Variants in PDZD7 observed in about 807,000 individuals in gnomAD.
The protein encoded by PDZD7 is PDZ domain-containing protein 7.
Under a neutral mutation model 84.7 loss-of-function variants are expected in PDZD7, and 72 were observed. The observed-to-expected ratio is 0.85, with a 90% confidence interval of 0.70 to 1.03. PDZD7 has a LOEUF of 1.03. PDZD7 is among the 50% of genes least tolerant of loss of function. The pLI is 0.00. For missense variants in PDZD7, 1,490 were observed against 1,412.9 expected (o/e 1.05, Z -0.87); for synonymous variants, 594 against 580.7 (o/e 1.02, Z -0.33).
At position 101,009,352 on chromosome 10, in the gene PDZD7, T is replaced by C; in HGVS notation, c.2618-2A>G. The C allele has an allele frequency of 1.3e-6, 2 of 1,534,908 alleles. No homozygotes were observed. The highest frequency in any genetic ancestry group is 1.7e-6 in the Non-Finnish European group (2 of 1,145,840). On this transcript the variant is annotated splice_acceptor_variant, in intron 15 of 16. Transcript: ENST00000619208. LOFTEE classifies it high-confidence loss of function. ...CAATGCCCCCAGAAATGCTGATACC[T>C]AGTGACAGGGAGAAACACCGTGTGA...
At chr10:101,027,950 C>T (rs72838696) in intron 2 of PDZD7, among the ~76,000 whole-genome samples, 2,893 of 152,264 alleles carry the variant, frequency 0.019, 48 homozygotes, top group Non-Finnish European at 0.03. Context: ...TGCATTTTCT[C>T]TGGGACCAGT....
chr10:101,023,389 G>A (rs1483810381), intron 4 of PDZD7, 47 bp downstream of exon 4: 68 of 1,611,718 alleles, frequency 4.2e-5, no homozygotes, highest in Non-Finnish European at 5.2e-5. Context: ...TAGGGTTGGG[G>A]TGGGCTGGGG....
chr10:101,010,919 C>G (rs1564627778), intron 14 of PDZD7, 36 bp from the exon 15 acceptor site: 4 of 1,533,186 alleles, frequency 2.6e-6, no homozygotes, highest in Non-Finnish European at 2.6e-6. Context: ...GCCCACTCCT[C>G]CCCTCTCCAG....
In PDZD7 at chr10:101,018,256, A is replaced by G. The variant is rs1852823440; in HGVS notation, c.1365T>C (p.Pro455=). 6.2e-7 allele frequency: 1 copy of G among 1,613,960 alleles called. No homozygotes were observed. Among genetic ancestry groups the G allele is most frequent in the Non-Finnish European group, 8.5e-7 (1 of 1,180,008 alleles). Residue 455 remains proline, a synonymous_variant, in exon 9 of 17, where the codon CCT becomes CCC. Transcript: ENST00000619208. ...QQRKKEKSGS[P]GEKGALQRSK... is the part of the protein sequence containing the mutation. Reference sequence around the variant, plus strand: ...AGCGCTGCAGGGCACCCTTCTCCCCAGGGGACCCCGACTTCTCCTTCTTCC... The same window carrying G: ...AGCGCTGCAGGGCACCCTTCTCCCCGGGGGACCCCGACTTCTCCTTCTTCC...
rs1275190757 is a variant in PDZD7, at chr10:101,007,933, G to A, written c.*534C>T. The A allele has an allele frequency of 7.8e-6, 1 of 128,122 alleles. No homozygotes were observed. The highest frequency in any genetic ancestry group is 2.3e-4 in the East Asian group (1 of 4,392). The allele number at this position is 128,122 out of a possible 1,614,324, so 7.9% of individuals were successfully genotyped here. On this transcript the variant is annotated 3_prime_UTR_variant, in exon 17 of 17. Coordinates refer to ENST00000619208, the MANE Select transcript of PDZD7 (RefSeq NM_001195263.2). Reference sequence around the variant, plus strand: ...CCTCCCCCTCATAGAGCTCTCTTGGGGAGAAAAGGTGATGGAGGAAGGACA... The same window carrying A: ...CCTCCCCCTCATAGAGCTCTCTTGGAGAGAAAAGGTGATGGAGGAAGGACA...
At chr10:101,013,022 G>A (rs1375119295) in intron 11 of PDZD7, among the ~76,000 whole-genome samples, 2 of 152,226 alleles carry the variant, frequency 1.3e-5, no homozygotes, top group Non-Finnish European at 2.9e-5. Flanking sequence ...GGGAGACTGA[G>A]TCAGGGACAC....
chr10:101,017,520 C>T (rs1203142176), intron 9 of PDZD7: 12 of 685,774 alleles, frequency 1.7e-5, no homozygotes, highest in African/African-American at 3.5e-5. Flanking sequence ...TGGTAGATCA[C>T]GCTGTAATCC....
At position 101,020,611 on chromosome 10, in the gene PDZD7, C is replaced by G; in HGVS notation, c.928+7G>C. 6.2e-7 allele frequency: 1 copy of G among 1,612,816 alleles called. No individual in the cohort carries two copies. The highest frequency in any genetic ancestry group is 8.5e-7 in the Non-Finnish European group (1 of 1,178,948). On this transcript the variant is annotated splice_region_variant and intron_variant, in intron 7 of 16. Transcript: ENST00000619208. ...CCCTCCAACCTTGGGAGATCTGAGC[C>G]ACTTACGTCGGTCCAGCCAGCAGTA...
chr10:101,009,710 C>T (rs926810500), intron 15 of PDZD7, among the ~76,000 whole-genome samples: 6 of 147,512 alleles, frequency 4.1e-5, no homozygotes, highest in East Asian at 2.0e-4. Flanking sequence ...CGGGTTCAGC[C>T]GATTCTCCTG....
At position 101,019,061 on chromosome 10, in the gene PDZD7, C is replaced by G. The variant is rs774302237; in HGVS notation, c.1085G>C (p.Gly362Ala). The G allele has an allele frequency of 1.3e-5, 20 of 1,577,672 alleles. No homozygotes were observed. Among genetic ancestry groups the G allele is most frequent in the South Asian group, 1.1e-4 (10 of 87,352 alleles). The change falls in exon 8 of 17, where the codon GGC becomes GCC. Residue 362 changes from glycine to alanine, a missense_variant. Transcript: ENST00000619208. ...CATGGCTGTGTCCGCCCGCCCCCAG[C>G]CTGGGCCGCGGCTGCCGGGCTCCTC... ...GQEEPGSRGP[G>A]WGRADTAMQT...
At chr10:101,022,485 T>C in intron 4 of PDZD7, 100 bp from the exon 5 acceptor site, 1 of 1,423,696 alleles carries the variant, frequency 7.0e-7, no homozygotes, top group South Asian at 1.2e-5. Context: ...GGGGGTTGCC[T>C]TTGGGGGACT....
At chr10:101,017,376 T>G (rs567601669) in intron 9 of PDZD7, 5 of 430,042 alleles carry the variant, frequency 1.2e-5, no homozygotes, top group Non-Finnish European at 2.0e-5. Context: ...AGCCAAGACG[T>G]GCTTTATTTT....
chr10:101,007,737 A>AG lies in PDZD7; in HGVS notation c.*729dup. ...GACCAAGCAGCCTCTCCCTTCACCC[A>AG]GGTTTATGGCCTCGTTTTCACTTGT... On this transcript the variant is annotated 3_prime_UTR_variant, in exon 17 of 17. Transcript: ENST00000619208. The AG allele has an allele frequency of 5.2e-6, 4 of 775,442 alleles. No homozygotes were observed. The South Asian group carries it at 1.5e-4, about 30-fold the overall frequency. 48.0% of individuals were successfully genotyped at this position (775,442 alleles called of 1,614,324 possible). A position where few individuals can be genotyped will look rare whatever the true frequency, so the allele number is the denominator to read the frequency against.
rs368067740 is a variant in PDZD7 at position 101,019,092 on chromosome 10, C to A, written c.1054G>T (p.Gly352Trp). ...CCGCGGCTGCCGGGCTCCTCCTGCC[C>A]GAGGCAGATGTCCATGCGGTCCGAC... ...LPSDRMDICL[G>W]QEEPGSRGPG... The change falls in exon 8 of 17, where the codon GGG (glycine) becomes TGG (tryptophan). Residue 352 changes from glycine to tryptophan, a missense_variant. Coordinates refer to ENST00000619208, the MANE Select transcript of PDZD7 (RefSeq NM_001195263.2). 5 of 1,563,526 alleles carry A rather than the reference C, an allele frequency of 3.2e-6. No homozygotes were observed. In the South Asian group the frequency reaches 5.8e-5, roughly 18 times the overall value.
intron 5 of PDZD7, 80 bp from the exon 6 acceptor site, chr10:101,022,025 A>C (rs1026852439): frequency 6.3e-7 from 1 of 1,575,674 alleles, no homozygotes; most frequent in East Asian, 2.3e-5. Flanking sequence ...TCTCTTGGAC[A>C]CAAGACTGCA....
chr10:101,030,342 A>G lies in PDZD7; in HGVS notation c.-123T>C, dbSNP rs1030487667. ...CGGGGCTGGGGTCTCAGTAACGTGAAGGCCCTCGCTTGCGATGCCTCTCAG... is the reference window on the plus strand; with the variant it reads ...CGGGGCTGGGGTCTCAGTAACGTGAGGGCCCTCGCTTGCGATGCCTCTCAG... On this transcript the variant is annotated 5_prime_UTR_variant, in exon 2 of 17. Transcript: ENST00000619208. 5 of 842,842 alleles carry G rather than the reference A, an allele frequency of 5.9e-6. No individual in the cohort carries two copies. In the African/African-American group the frequency reaches 6.7e-5, roughly 11 times the overall value. 52.2% of individuals were successfully genotyped at this position (842,842 alleles called of 1,614,324 possible).
rs989200290 is a variant in PDZD7, at chr10:101,008,347, G to A, written c.*120C>T. 1 of 1,013,544 alleles carries A rather than the reference G, an allele frequency of 9.9e-7. No individual in the cohort carries two copies. The highest frequency in any genetic ancestry group is 1.6e-5 in the African/African-American group (1 of 61,588). The allele number at this position is 1,013,544 out of a possible 1,614,324, so 62.8% of individuals were successfully genotyped here. On this transcript the variant is annotated 3_prime_UTR_variant, in exon 17 of 17. Transcript: ENST00000619208. ...AAGTGGAAAGATGTGAGCCACCAGT[G>A]TGGCACTGGGAGGAGGCAGGGTGGG...
chr10:101,021,774 C>T, intron 6 of PDZD7, 24 bp downstream of exon 6: 1 of 1,614,178 alleles, frequency 6.2e-7, no homozygotes, highest in South Asian at 1.1e-5. Context: ...CCTCACCTCT[C>T]CCTACCCCCA....
At position 101,008,479 on chromosome 10, in the gene PDZD7, TG is replaced by T. The variant is rs1852288141; in HGVS notation, c.3089del (p.Pro1030HisfsTer15). On this transcript the variant is annotated frameshift_variant, in exon 17 of 17. Transcript: ENST00000619208. LOFTEE classifies it high-confidence loss of function. ...GTTAGGGGGAGGGTCATGGGATGCG[TG>T]GGGAGGGTGCGGGCTTAGAATCAGG... ...QTPDSKPAPS[P>X]RIP 1 of 1,471,658 alleles carries T rather than the reference TG, an allele frequency of 6.8e-7. No individual in the cohort carries two copies. The highest frequency in any genetic ancestry group is 8.9e-7 in the Non-Finnish European group (1 of 1,117,810). The allele number at this position is 1,471,658 out of a possible 1,614,324, so 91.2% of individuals were successfully genotyped here. A position where few individuals can be genotyped will look rare whatever the true frequency, so the allele number is the denominator to read the frequency against.
Sources: gnomAD v4.1 joint callset for allele counts (sites outside exome capture counted in the v4.1 genomes callset) on GRCh38, gnomAD v4.1.1 for gene constraint, MANE v1.5 for transcripts, NCBI Gene and HGNC (gene_info 2026-07-23, HGNC 2026-07-21) for gene names.